The following GREB1 variants were observed in gnomAD, a reference collection of about 807,000 sequenced individuals.
The protein encoded by GREB1 is growth regulating estrogen receptor binding 1.
Under a neutral mutation model 200.7 loss-of-function variants are expected in GREB1, and 106 were observed. The observed-to-expected ratio is 0.53, with a 90% CI of 0.45 to 0.62. The LOEUF (loss-of-function observed/expected upper bound fraction) is 0.62. Ranked by LOEUF, GREB1 falls within the 20% of genes least tolerant of loss-of-function variation. The probability of loss-of-function intolerance (pLI) is 0.00; values close to 1 mark genes in which losing one functional copy is unlikely to be tolerated. For synonymous variants in GREB1, 1,132 were observed against 1,092.4 expected (o/e 1.04, Z -0.72); for missense variants, 2,243 against 2,556.8 (o/e 0.88, Z 2.65).
intron 1 of GREB1, among the ~76,000 whole-genome samples, chr2:11,494,014 T>C (rs1260471200): frequency 6.6e-6 from 1 of 152,216 alleles, no homozygotes; most frequent in Non-Finnish European, 1.5e-5. Context: ...CCAGGTACCT[T>C]ACACAGGCTG....
In GREB1 at chr2:11,618,570, C is replaced by T. The variant is rs751961246; in HGVS notation, c.3695C>T (p.Ser1232Phe). 1.2e-6 allele frequency: 2 copies of T among 1,612,980 alleles called. No homozygotes were observed. Among genetic ancestry groups the T allele is most frequent in the Non-Finnish European group, 1.7e-6 (2 of 1,179,876 alleles). The change falls in exon 22 of 33, where the codon TCC becomes TTC. Residue 1232 changes from serine (S) to phenylalanine (F), a missense_variant. Transcript: ENST00000381486. ...TCCTCCTCGGGCTCATCCTCCTCAT[C>T]CGTGGCGCCCGCTGCCGGCACGTGG... ...LSSSSGSSSSSVAPAAGTWVL... is the reference protein window; with the variant it reads ...LSSSSGSSSSFVAPAAGTWVL...
rs978828950 is a variant in GREB1, at chr2:11,577,694, G to C, written c.638-603G>C. Among the ~76,000 whole-genome samples, 3 of 152,338 alleles carry C rather than the reference G, an allele frequency of 2.0e-5. No homozygotes were observed. In the South Asian group the frequency reaches 6.2e-4, roughly 32 times the overall value. On this transcript the variant is annotated intron_variant, in intron 5 of 32. Coordinates refer to ENST00000381486, the MANE Select transcript of GREB1 (RefSeq NM_014668.4). ...CCCGGGCAGGTCCTGGGAGTAGAAG[G>C]AAGAGGCCTTAGGCTGGGTGGCTCT...
At chr2:11,614,686 C>G (rs1683239695) in intron 19 of GREB1, among the ~76,000 whole-genome samples, 1 of 152,146 alleles carries the variant, frequency 6.6e-6, no homozygotes, top group African/African-American at 2.4e-5. Context: ...GCCTCAGCCT[C>G]CCGAGTAGCT....
At chr2:11,489,316 G>C (rs984606769) in intron 1 of GREB1, among the ~76,000 whole-genome samples, 1 of 152,112 alleles carries the variant, frequency 6.6e-6, no homozygotes, top group Non-Finnish European at 1.5e-5. Context: ...AAAATTAGCC[G>C]GGCGTGGTGG....
chr2:11,516,674 G>A (rs1297075678), intron 1 of GREB1, among the ~76,000 whole-genome samples: 1 of 144,948 alleles, frequency 6.9e-6, no homozygotes, highest in Non-Finnish European at 1.5e-5. Context: ...AGGGCCAAAC[G>A]GCCTTACCCA....
intron 6 of GREB1, among the ~76,000 whole-genome samples, chr2:11,579,835 T>C (rs1679280379): frequency 6.6e-6 from 1 of 152,222 alleles, no homozygotes; most frequent in Non-Finnish European, 1.5e-5. Context: ...TGGGGAGTCC[T>C]GGGCCCTATG....
chr2:11,546,943 CTT>C (rs386354826), intron 1 of GREB1, among the ~76,000 whole-genome samples: 51,910 of 122,690 alleles, frequency 0.42, 9,764 homozygotes, highest in South Asian at 0.66. Context: ...CTAGTTTAAA[CTT>C]TTTTTTTTTT....
chr2:11,495,021 A>G (rs1018539249), intron 1 of GREB1, among the ~76,000 whole-genome samples: 1 of 152,112 alleles, frequency 6.6e-6, no homozygotes. Flanking sequence ...GCTCTGTGTC[A>G]TTCTGTGACG....
chr2:11,556,609 T>C lies in GREB1; in HGVS notation c.-6T>C. 1 of 1,607,348 alleles carries C rather than the reference T, an allele frequency of 6.2e-7. No homozygotes were observed. The highest frequency in any genetic ancestry group is 1.1e-5 in the South Asian group (1 of 89,834). ...ATTTTAAACAGAAGACTCCATCCTC[T>C]TGAAGATGGGAAATTCTTACGCTGG... On this transcript the variant is annotated 5_prime_UTR_variant, in exon 2 of 33. Transcript: ENST00000381486.
chr2:11,637,762 C>A lies in GREB1; in HGVS notation c.5393C>A (p.Ala1798Asp). The change falls in exon 31 of 33, where the codon GCC becomes GAC. Residue 1798 changes from alanine (A) to aspartate (D), a missense_variant. Coordinates refer to ENST00000381486, the MANE Select transcript of GREB1 (RefSeq NM_014668.4). Reference protein sequence around the residue: ...AAVVPAQYICAPDSKHTFLAA... With the variant: ...AAVVPAQYICDPDSKHTFLAA... ...GTCGTGCCGGCCCAGTACATCTGTG[C>A]CCCGGACAGCAAGCACACGTTCCTC... The A allele has an allele frequency of 6.2e-7, 1 of 1,613,916 alleles. No individual in the cohort carries two copies. The highest frequency in any genetic ancestry group is 8.5e-7 in the Non-Finnish European group (1 of 1,180,028).
intron 1 of GREB1, among the ~76,000 whole-genome samples, chr2:11,497,971 CTTTTTTTTTTTTTTTTTTTTTT>C (rs70955803): frequency 0.018 from 750 of 40,652 alleles, 20 homozygotes; most frequent in African/African-American, 0.061. Flanking sequence ...CAGAGCAAAA[CTTTTTTTTTTTTTTTTTTTTTT>C]TTTTTTTTTT....
At chr2:11,588,536 A>G (rs1389186486) in intron 9 of GREB1, 2 of 629,708 alleles carry the variant, frequency 3.2e-6, no homozygotes, top group South Asian at 1.9e-5. Context: ...GCACAGCCCC[A>G]TTGGTTAGAA....
rs773769698 is a variant in GREB1, at chr2:11,630,016, C to T, written c.4518C>T (p.His1506=). ...YSMLGEEIQL[H]FIIPKSKEHH... is the part of the protein sequence containing the mutation. ...TGCTAGGAGAGGAGATCCAGCTGCA[C>T]TTCATCATCCCCAAGTCCAAGGAGC... Residue 1506 remains histidine (H), a synonymous_variant, in exon 26 of 33, where the codon CAC becomes CAT. Coordinates refer to ENST00000381486, the MANE Select transcript of GREB1 (RefSeq NM_014668.4). 1.9e-6 allele frequency: 3 copies of T among 1,614,200 alleles called. No individual in the cohort carries two copies. The highest frequency in any genetic ancestry group is 2.7e-5 in the African/African-American group (2 of 75,050).
chr2:11,556,278 C>T (rs536681045), intron 1 of GREB1, 176 bp from the exon 2 acceptor site: 64 of 170,862 alleles, frequency 3.7e-4, no homozygotes, highest in African/African-American at 1.3e-3. Flanking sequence ...AAACGTCATT[C>T]GTCTGGGAAC....
At chr2:11,599,008 C>A in intron 15 of GREB1, 148 bp downstream of exon 15, 1 of 694,050 alleles carries the variant, frequency 1.4e-6, no homozygotes. Flanking sequence ...GGAGGTTTCC[C>A]ACAATCTTGA....
upstream of GREB1, among the ~76,000 whole-genome samples, chr2:11,532,872 A>T (rs1391020446): frequency 1.3e-5 from 2 of 152,234 alleles, no homozygotes; most frequent in Non-Finnish European, 2.9e-5. Context: ...CATATGGCAG[A>T]CGGTGTAAAA....
At chr2:11,612,311 C>T (rs901850850) in intron 18 of GREB1, 184 bp from the exon 19 acceptor site, 2 of 1,334,848 alleles carry the variant, frequency 1.5e-6, no homozygotes, top group Non-Finnish European at 1.9e-6. Context: ...CATGTTCTAG[C>T]CGACTGAAAA....
intron 15 of GREB1, among the ~76,000 whole-genome samples, chr2:11,600,387 T>C (rs985121709): frequency 2.0e-5 from 3 of 152,196 alleles, no homozygotes; most frequent in African/African-American, 7.2e-5. Flanking sequence ...AAACTGACTA[T>C]AGAATTTACT....
At chr2:11,494,800 G>T (rs1672844586) in intron 1 of GREB1, among the ~76,000 whole-genome samples, 1 of 152,140 alleles carries the variant, frequency 6.6e-6, no homozygotes, top group South Asian at 2.1e-4. Context: ...AACACCCATG[G>T]GGTGGCTGCC....
Sources: allele counts gnomAD v4.1 joint callset (sites outside exome capture counted in the v4.1 genomes callset), GRCh38; gene constraint gnomAD v4.1.1; transcripts MANE v1.5; gene names NCBI Gene and HGNC (gene_info 2026-07-23, HGNC 2026-07-21).